Variants in PREP observed in about 807,000 individuals in gnomAD.
PREP encodes the protein dJ355L5.1 (prolyl endopeptidase).
Under a neutral mutation model 87.6 loss-of-function variants are expected in PREP, and 29 were observed. That is an observed-to-expected ratio of 0.33 (90% CI 0.25 to 0.45). The LOEUF (loss-of-function observed/expected upper bound fraction) is 0.45, where lower values mean the gene tolerates loss of function less well. Ranked by LOEUF, PREP falls within the 20% of genes least tolerant of loss-of-function variation. PREP has a pLI of 1.00. For synonymous variants in PREP, 337 were observed against 328.6 expected (o/e 1.03, Z -0.28); for missense variants, 695 against 886.5 (o/e 0.78, Z 2.74).
chr6:105,402,794 C>T, intron 1 of PREP, 53 bp downstream of exon 1: 1 of 1,481,578 alleles, frequency 6.7e-7, no homozygotes, highest in South Asian at 1.3e-5. Context: ...ACGGGTCAGG[C>T]AGGCTGGGCA....
chr6:105,354,789 CCTCT>C (rs1208292885), intron 6 of PREP, among the ~76,000 whole-genome samples: 1 of 149,584 alleles, frequency 6.7e-6, no homozygotes, highest in Admixed American at 6.6e-5. Context: ...TTAAACAAAT[CCTCT>C]CTATGTATAT....
At position 105,328,964 on chromosome 6, in the gene PREP, T is replaced by C; in HGVS notation, c.1078A>G (p.Ile360Val). Residue 360 changes from isoleucine (I) to valine (V), a missense_variant, in exon 9 of 15, where the codon ATT (isoleucine) becomes GTT (valine). Ile to Val is a conservative substitution (Grantham distance 29). Transcript: ENST00000652536. Reference protein sequence around the residue: ...VLCYLHDVKNILQLHDLTTGA... With the variant: ...VLCYLHDVKNVLQLHDLTTGA... The stretch of plus-strand genomic sequence containing the variant: ...GTAGTCAGGTCATGGAGCTGCAGAA[T>C]GTTCTTGACGTCATGGAGGTAGCAT... 2 of 1,614,166 alleles carry C rather than the reference T, an allele frequency of 1.2e-6. No individual in the cohort carries two copies. The highest frequency in any genetic ancestry group is 1.7e-6 in the Non-Finnish European group (2 of 1,180,014).
At chr6:105,294,425 CTT>C (rs1392538666) in intron 10 of PREP, among the ~76,000 whole-genome samples, 1 of 152,224 alleles carries the variant, frequency 6.6e-6, no homozygotes, top group Non-Finnish European at 1.5e-5. Context: ...CTATACTTCT[CTT>C]TACCTAGGTC....
intron 2 of PREP, among the ~76,000 whole-genome samples, chr6:105,388,002 T>G (rs1212745408): frequency 2.0e-5 from 3 of 150,138 alleles, no homozygotes; most frequent in Non-Finnish European, 4.4e-5. Context: ...GGTGAAGAAG[T>G]AGGAGGAAAT....
In PREP at chr6:105,333,418, G is replaced by C. The variant is rs755464198; in HGVS notation, c.911C>G (p.Thr304Arg). ...GCGATAGTTGGGAGACTGGCGATTCGTCTTGAATGTGAACACCGTCCCCTC... is the reference window on the plus strand; with the variant it reads ...GCGATAGTTGGGAGACTGGCGATTCCTCTTGAATGTGAACACCGTCCCCTC... ...TNEGTVFTFKTNRQSPNYRVI... is the reference protein window; with the variant it reads ...TNEGTVFTFKRNRQSPNYRVI... Residue 304 changes from threonine to arginine, a missense_variant, in exon 8 of 15, where the codon ACG (threonine) becomes AGG (arginine). By Grantham distance (71) the Thr-to-Arg change is moderately conservative (BLOSUM62 -1). Coordinates refer to ENST00000652536, the MANE Select transcript of PREP (RefSeq NM_002726.5). The C allele has an allele frequency of 2.5e-6, 4 of 1,614,100 alleles. No individual in the cohort carries two copies. Among genetic ancestry groups the C allele is most frequent in the Non-Finnish European group, 3.4e-6 (4 of 1,180,004 alleles).
chr6:105,386,376 C>T (rs1772995259), intron 2 of PREP, among the ~76,000 whole-genome samples: 1 of 152,044 alleles, frequency 6.6e-6, no homozygotes, highest in Non-Finnish European at 1.5e-5. Flanking sequence ...GTATGAGAGA[C>T]CCAGGGAGGT....
intron 10 of PREP, among the ~76,000 whole-genome samples, chr6:105,310,895 C>T (rs1008799020): frequency 4.6e-5 from 7 of 152,184 alleles, no homozygotes; most frequent in Admixed American, 1.3e-4. Flanking sequence ...AAACTTAACA[C>T]GTCCAAAATA....
At chr6:105,402,726 A>C (rs941218570) in intron 1 of PREP, 121 bp downstream of exon 1, 66 of 903,648 alleles carry the variant, frequency 7.3e-5, no homozygotes, top group Non-Finnish European at 8.7e-5. Context: ...ACAAAGGCCG[A>C]GGGGGAGGGG....
At chr6:105,358,745 G>A (rs867602536) in intron 6 of PREP, among the ~76,000 whole-genome samples, 2 of 152,068 alleles carry the variant, frequency 1.3e-5, no homozygotes, top group Non-Finnish European at 2.9e-5. Context: ...AAGTTTCCTC[G>A]AATTTAACTT....
chr6:105,292,104 A>G (rs1212708536), intron 10 of PREP, among the ~76,000 whole-genome samples: 1 of 152,152 alleles, frequency 6.6e-6, no homozygotes, highest in African/African-American at 2.4e-5. Context: ...CATGAGCGTT[A>G]CAATCACTTC....
chr6:105,365,807 G>A (rs900634885), intron 6 of PREP, among the ~76,000 whole-genome samples: 11 of 151,390 alleles, frequency 7.3e-5, no homozygotes, highest in Non-Finnish European at 4.4e-5. Context: ...CTTCCTCTGC[G>A]TAATTCACTA....
chr6:105,318,588 G>A (rs1181448140), intron 10 of PREP, among the ~76,000 whole-genome samples: 1 of 152,218 alleles, frequency 6.6e-6, no homozygotes, highest in Admixed American at 6.5e-5. Context: ...TAGAATGCCT[G>A]CATGATGGGG....
intron 5 of PREP, among the ~76,000 whole-genome samples, chr6:105,370,020 G>A (rs2114704763): frequency 6.6e-6 from 1 of 152,182 alleles, no homozygotes; most frequent in South Asian, 2.1e-4. Flanking sequence ...GGGAGGCCGA[G>A]GCAGGTGGAT....
intron 6 of PREP, among the ~76,000 whole-genome samples, chr6:105,364,896 A>C (rs940174573): frequency 3.3e-5 from 5 of 152,220 alleles, no homozygotes; most frequent in African/African-American, 1.2e-4. Flanking sequence ...TACTTTTATA[A>C]CAAAAGCAAC....
At chr6:105,366,728 C>T (rs545200628) in intron 6 of PREP, among the ~76,000 whole-genome samples, 1 of 152,196 alleles carries the variant, frequency 6.6e-6, no homozygotes, top group South Asian at 2.1e-4. Context: ...GTGGCACACA[C>T]ACATGGAATA....
chr6:105,334,623 G>GCTTC (rs1771431040), intron 7 of PREP, among the ~76,000 whole-genome samples: 1 of 152,168 alleles, frequency 6.6e-6, no homozygotes, highest in African/African-American at 2.4e-5. Context: ...GTAGGCTGAA[G>GCTTC]AGAAGAACAG....
rs374389008 is a variant in PREP at position 105,333,400 on chromosome 6, T to G, written c.929A>C (p.Asn310Thr). Residue 310 changes from asparagine (N) to threonine (T), a missense_variant, in exon 8 of 15, where the codon AAC becomes ACC. Asn to Thr is a moderately conservative substitution (Grantham distance 65, BLOSUM62 0). Around this residue, in one of 5 missense-constraint regions of PREP, gnomAD observed 517 missense variants for 620.3 expected, o/e 0.83. Transcript: ENST00000652536. The stretch of plus-strand genomic sequence containing the variant: ...GAAGTCAATGTTGATCACGCGATAG[T>G]TGGGAGACTGGCGATTCGTCTTGAA... ...FTFKTNRQSP[N>T]YRVINIDFRD... The G allele has an allele frequency of 2.5e-6, 4 of 1,614,182 alleles. No individual in the cohort carries two copies. The highest frequency in any genetic ancestry group is 3.4e-6 in the Non-Finnish European group (4 of 1,180,008).
intron 6 of PREP, among the ~76,000 whole-genome samples, chr6:105,357,216 G>A (rs749101077): frequency 6.6e-6 from 1 of 151,976 alleles, no homozygotes; most frequent in Non-Finnish European, 1.5e-5. Flanking sequence ...TCATACTTTT[G>A]TTCTCTTGTC....
chr6:105,379,207 C>G (rs1054948863), intron 2 of PREP, among the ~76,000 whole-genome samples: 1 of 152,164 alleles, frequency 6.6e-6, no homozygotes, highest in Non-Finnish European at 1.5e-5. Flanking sequence ...TTCGCCCTGG[C>G]CCGCTTTCCT....
Sources: gnomAD v4.1 joint callset for allele counts (sites outside exome capture counted in the v4.1 genomes callset) on GRCh38, gnomAD v4.1.1 for gene constraint, gnomAD v4.1.1 regional missense constraint, MANE v1.5 for transcripts, NCBI Gene and HGNC (gene_info 2026-07-23, HGNC 2026-07-21) for gene names.